Variants in RYR3 observed in about 807,000 individuals in gnomAD.
RYR3 encodes the protein brain ryanodine receptor-calcium release channel.
Under a neutral mutation model 584.3 loss-of-function variants are expected in RYR3, and 207 were observed. The ratio of observed to expected loss-of-function variants is 0.35; its 90% CI spans 0.32 to 0.40. The LOEUF is 0.40. Ranked by LOEUF, RYR3 falls within the 10% of genes least tolerant of loss-of-function variation. RYR3 has a pLI of 1.00. For missense variants in RYR3, 5,616 were observed against 6,089.2 expected (o/e 0.92, Z 2.59); for synonymous variants, 2,416 against 2,248.5 (o/e 1.07, Z -2.11).
In RYR3 at chr15:33,661,556, G is replaced by C. The variant is rs577338509; in HGVS notation, c.4623-597G>C. On this transcript the variant is annotated intron_variant, in intron 34 of 103. Coordinates refer to ENST00000634891, the MANE Select transcript of RYR3 (RefSeq NM_001036.6). ...CCACAGACAGTGGTGGGTGAGGCTGGGGGAGGGGGTAGAGGGGATGGTTTC... is the reference window on the plus strand; with the variant it reads ...CCACAGACAGTGGTGGGTGAGGCTGCGGGAGGGGGTAGAGGGGATGGTTTC... Among the ~76,000 whole-genome samples, 4 of 152,054 alleles carry C rather than the reference G, an allele frequency of 2.6e-5. No individual in the cohort carries two copies. In the East Asian group the frequency reaches 5.8e-4, roughly 22 times the overall value.
chr15:33,355,355 G>A (rs1311673553), intron 1 of RYR3, among the ~76,000 whole-genome samples: 9 of 152,046 alleles, frequency 5.9e-5, no homozygotes, highest in South Asian at 4.1e-4. Context: ...AATAAGACTC[G>A]TGCTTATGGT....
At chr15:33,508,895 A>G (rs2052717520) in intron 3 of RYR3, among the ~76,000 whole-genome samples, 1 of 152,172 alleles carries the variant, frequency 6.6e-6, no homozygotes, top group Non-Finnish European at 1.5e-5. Flanking sequence ...CATTTGTCAT[A>G]TGTTACTGCT....
intron 16 of RYR3, among the ~76,000 whole-genome samples, chr15:33,598,268 G>A (rs1478836954): frequency 6.6e-4 from 60 of 90,832 alleles, no homozygotes; most frequent in East Asian, 7.3e-4. Context: ...AAAAAGACAA[G>A]GCCTTAGGAG....
At chr15:33,414,416 G>T (rs2043634196) in intron 1 of RYR3, among the ~76,000 whole-genome samples, 1 of 152,066 alleles carries the variant, frequency 6.6e-6, no homozygotes, top group South Asian at 2.1e-4. Context: ...CAGTATGTAA[G>T]ATATGGAGGT....
At chr15:33,806,170 G>A (rs2076198084) in intron 69 of RYR3, among the ~76,000 whole-genome samples, 1 of 152,072 alleles carries the variant, frequency 6.6e-6, no homozygotes, top group African/African-American at 2.4e-5. Context: ...TCTGACACCA[G>A]CTCTCCCTGT....
intron 38 of RYR3, among the ~76,000 whole-genome samples, chr15:33,686,437 G>A (rs2065014864): frequency 6.6e-6 from 1 of 152,076 alleles, no homozygotes; most frequent in Non-Finnish European, 1.5e-5. Context: ...ATAATTAATA[G>A]CCTACCAACC....
chr15:33,743,590 G>T (rs529531250), intron 52 of RYR3, among the ~76,000 whole-genome samples: 1 of 152,174 alleles, frequency 6.6e-6, no homozygotes, highest in African/African-American at 2.4e-5. Context: ...GCTTATGGCC[G>T]TTTGGCCAGC....
chr15:33,786,097 A>C (rs2074690639), intron 66 of RYR3, 115 bp downstream of exon 66: 3 of 865,714 alleles, frequency 3.5e-6, no homozygotes, highest in Non-Finnish European at 5.1e-6. Flanking sequence ...CTATATTTAA[A>C]CCTCCCCATG....
chr15:33,731,853 C>G (rs892816728), intron 48 of RYR3, among the ~76,000 whole-genome samples, 159 bp downstream of exon 48: 4 of 152,210 alleles, frequency 2.6e-5, no homozygotes, highest in African/African-American at 9.6e-5. Flanking sequence ...GCTCGGCTCC[C>G]CTATTTGCCA....
chr15:33,848,552 C>A, intron 94 of RYR3, 131 bp downstream of exon 94: 1 of 1,031,294 alleles, frequency 9.7e-7, no homozygotes, highest in Non-Finnish European at 1.4e-6. Context: ...TCTCCCTTGC[C>A]TCTTCAATAA....
intron 1 of RYR3, among the ~76,000 whole-genome samples, chr15:33,364,172 T>C (rs982691784): frequency 6.6e-6 from 1 of 152,222 alleles, no homozygotes; most frequent in Non-Finnish European, 1.5e-5. Context: ...TAAAATTTAC[T>C]TCACCTGTTT....
intron 1 of RYR3, among the ~76,000 whole-genome samples, chr15:33,401,700 G>A (rs1224800163): frequency 6.6e-6 from 1 of 152,160 alleles, no homozygotes; most frequent in African/African-American, 2.4e-5. Flanking sequence ...TTTGAAATAA[G>A]GATACATCTC....
Position 33,336,536 on chromosome 15 carries a change from AG to A in RYR3, c.51+25442del, listed in dbSNP as rs1567047638. Among the ~76,000 whole-genome samples the A allele has an allele frequency of 9.7e-4, 77 of 79,706 alleles. 31 individuals are homozygous for A. The highest frequency in any genetic ancestry group is 3.5e-3 in the African/African-American group (72 of 20,298). 52.3% of individuals were successfully genotyped at this position (79,706 alleles called of 152,430 possible). On this transcript the variant is annotated intron_variant, in intron 1 of 103. Coordinates refer to ENST00000634891, the MANE Select transcript of RYR3 (RefSeq NM_001036.6). ...AAGGAGGGAAGGAGGGAAGGAGGGA[AG>A]GAGGGAAGGAGGGAAGGAAGGAAGA...
At chr15:33,362,652 TAC>T (rs766897287) in intron 1 of RYR3, among the ~76,000 whole-genome samples, 18 of 152,200 alleles carry the variant, frequency 1.2e-4, no homozygotes, top group Non-Finnish European at 2.5e-4. Flanking sequence ...CTTTCACCTA[TAC>T]AGTGTTTGAA....
At chr15:33,385,626 G>A (rs189530999) in intron 1 of RYR3, among the ~76,000 whole-genome samples, 2 of 152,090 alleles carry the variant, frequency 1.3e-5, no homozygotes, top group Non-Finnish European at 2.9e-5. Context: ...GGACAGTAAT[G>A]AGTTGGCTCT....
chr15:33,497,574 ATC>A (rs2051551787), intron 2 of RYR3, among the ~76,000 whole-genome samples: 1 of 152,122 alleles, frequency 6.6e-6, no homozygotes, highest in Non-Finnish European at 1.5e-5. Context: ...AGCCCTCTTT[ATC>A]TGTCTTTTTA....
chr15:33,711,475 CTTCGTGA>C (rs980095225), intron 43 of RYR3, among the ~76,000 whole-genome samples: 3 of 152,106 alleles, frequency 2.0e-5, no homozygotes, highest in African/African-American at 7.2e-5. Context: ...AATCTCCTGA[CTTCGTGA>C]TCCACCCGCC....
At chr15:33,563,464 A>G (rs1325050208) in intron 11 of RYR3, among the ~76,000 whole-genome samples, 3 of 152,224 alleles carry the variant, frequency 2.0e-5, no homozygotes, top group African/African-American at 7.2e-5. Context: ...TTGTGGAATG[A>G]CACTGTATCC....
chr15:33,609,664 G>A (rs890459078), intron 18 of RYR3, among the ~76,000 whole-genome samples: 3 of 152,014 alleles, frequency 2.0e-5, no homozygotes, highest in Non-Finnish European at 4.4e-5. Flanking sequence ...AAAAAAAGTT[G>A]AAGTAACTAC....
Sources: gnomAD v4.1 joint callset for allele counts (sites outside exome capture counted in the v4.1 genomes callset) on GRCh38, gnomAD v4.1.1 for gene constraint, MANE v1.5 for transcripts, NCBI Gene and HGNC (gene_info 2026-07-23, HGNC 2026-07-21) for gene names.